Variants in CADM2 observed in about 807,000 individuals in gnomAD.
CADM2 encodes the protein cell adhesion molecule 2.
A neutral mutation model predicts 49.8 loss-of-function variants in CADM2; 12 were observed. That is an observed-to-expected ratio of 0.24 (90% confidence interval 0.15 to 0.39). CADM2 has a LOEUF of 0.39. Among genes scored for constraint, CADM2 ranks in the 10% least tolerant of loss-of-function variants. The pLI is 1.00. For missense variants in CADM2, 378 were observed against 492.3 expected (o/e 0.77, Z 2.20); for synonymous variants, 214 against 175.4 (o/e 1.22, Z -1.74).
intron 1 of CADM2, among the ~76,000 whole-genome samples, chr3:85,066,541 G>GCACA (rs763736000): frequency 6.6e-6 from 1 of 150,978 alleles, no homozygotes; most frequent in South Asian, 2.1e-4. Context: ...GCACCTGCAC[G>GCACA]CACACACACA....
chr3:85,539,591 C>A (rs1289298211), intron 1 of CADM2, among the ~76,000 whole-genome samples: 2 of 152,060 alleles, frequency 1.3e-5, no homozygotes, highest in Admixed American at 6.6e-5. Context: ...TCTGTTGGAA[C>A]AACACCAGGT....
intron 8 of CADM2, chr3:86,014,549 G>A (rs981629429): frequency 2.5e-6 from 4 of 1,588,218 alleles, no homozygotes; most frequent in Non-Finnish European, 3.4e-6. Context: ...TAGCCTCTGA[G>A]AGTTACTATA....
At chr3:86,066,609 G>A in intron 9 of CADM2, 56 bp from the exon 10 acceptor site, 1 of 1,280,308 alleles carries the variant, frequency 7.8e-7, no homozygotes, top group Non-Finnish European at 1.1e-6. Context: ...TAGCTTTAAT[G>A]CTGGGTATTT....
chr3:85,158,925 A>T (rs769760016), intron 1 of CADM2, among the ~76,000 whole-genome samples: 18 of 152,100 alleles, frequency 1.2e-4, no homozygotes, highest in African/African-American at 3.4e-4. Flanking sequence ...TGTGTGTGTG[A>T]GAGAGAAAGA....
chr3:85,124,913 A>G (rs908965726), intron 1 of CADM2, among the ~76,000 whole-genome samples: 2 of 152,216 alleles, frequency 1.3e-5, no homozygotes, highest in Non-Finnish European at 2.9e-5. Flanking sequence ...ATACAATAAT[A>G]AAATTGAAAA....
rs565065700 is a variant in CADM2 at position 85,881,334 on chromosome 3, G to T, written c.239-1957G>T. ...TTGCTTATTAAAGTATTTTTATAAT[G>T]GTTGCTTAAAAATTTTTGTCAAAAA... On this transcript the variant is annotated intron_variant, in intron 3 of 9. Transcript: ENST00000383699. 4.0e-5 allele frequency among the ~76,000 whole-genome samples: 6 copies of T among 151,788 alleles called. No homozygotes were observed. In the South Asian group the frequency reaches 1.2e-3, roughly 32 times the overall value.
chr3:85,724,090 T>A (rs2067602074), intron 1 of CADM2, among the ~76,000 whole-genome samples: 1 of 151,904 alleles, frequency 6.6e-6, no homozygotes, highest in Admixed American at 6.6e-5. Flanking sequence ...TCACTTAAAA[T>A]CCACTAACAT....
At chr3:85,024,501 A>G (rs1411888808) in intron 1 of CADM2, among the ~76,000 whole-genome samples, 1 of 152,108 alleles carries the variant, frequency 6.6e-6, no homozygotes, top group Non-Finnish European at 1.5e-5. Flanking sequence ...AAATATGGTT[A>G]CAGCATATAT....
chr3:85,848,725 C>T (rs1190018207), intron 3 of CADM2, among the ~76,000 whole-genome samples: 1 of 152,014 alleles, frequency 6.6e-6, no homozygotes, highest in South Asian at 2.1e-4. Flanking sequence ...TTTCCCTGAA[C>T]CCGAATTTAA....
At chr3:85,630,520 T>TA (rs1163491333) in intron 1 of CADM2, among the ~76,000 whole-genome samples, 2 of 151,972 alleles carry the variant, frequency 1.3e-5, no homozygotes, top group Non-Finnish European at 2.9e-5. Context: ...AGTAGATCAT[T>TA]AAAAAAATGT....
intron 1 of CADM2, among the ~76,000 whole-genome samples, chr3:85,082,647 A>AATGAAT (rs1559651012): frequency 6.6e-6 from 1 of 152,148 alleles, no homozygotes; most frequent in Non-Finnish European, 1.5e-5. Flanking sequence ...TTGAATACAT[A>AATGAAT]ACAATGAAGG....
intron 1 of CADM2, among the ~76,000 whole-genome samples, chr3:85,124,391 G>A (rs2038960932): frequency 1.3e-5 from 2 of 152,080 alleles, no homozygotes; most frequent in African/African-American, 4.8e-5. Context: ...ATTGCTTGAG[G>A]ACAGAAGTTC....
intron 8 of CADM2, among the ~76,000 whole-genome samples, chr3:86,026,350 G>T (rs1196580948): frequency 5.3e-5 from 8 of 149,618 alleles, no homozygotes; most frequent in East Asian, 3.9e-4. Flanking sequence ...TTTTTTTTTT[G>T]GTTTTTTTTT....
At chr3:85,891,608 G>A (rs1714445691) in intron 5 of CADM2, among the ~76,000 whole-genome samples, 1 of 152,172 alleles carries the variant, frequency 6.6e-6, no homozygotes, top group African/African-American at 2.4e-5. Flanking sequence ...CTTTAAGAAG[G>A]GGTAGAGTCA....
chr3:85,087,558 A>G (rs951424353), intron 1 of CADM2, among the ~76,000 whole-genome samples: 2 of 152,198 alleles, frequency 1.3e-5, no homozygotes, highest in African/African-American at 4.8e-5. Flanking sequence ...AATTTTTACT[A>G]CAAAGAAGGC....
At chr3:86,020,881 A>G (rs984501984) in intron 8 of CADM2, among the ~76,000 whole-genome samples, 1 of 152,158 alleles carries the variant, frequency 6.6e-6, no homozygotes, top group Non-Finnish European at 1.5e-5. Context: ...AGCCAATATC[A>G]TACTGAATGG....
At chr3:85,953,318 C>T (rs1271222769) in intron 7 of CADM2, among the ~76,000 whole-genome samples, 1 of 150,832 alleles carries the variant, frequency 6.6e-6, no homozygotes, top group Non-Finnish European at 1.5e-5. Context: ...GTGCTTTTAA[C>T]CTTATCTTTT....
intron 2 of CADM2, among the ~76,000 whole-genome samples, chr3:85,759,151 C>G (rs2069255171): frequency 6.6e-6 from 1 of 151,868 alleles, no homozygotes. Flanking sequence ...GATTAATGCT[C>G]TCTCATCTTC....
At chr3:85,190,318 T>C (rs180975490) in intron 1 of CADM2, among the ~76,000 whole-genome samples, 12 of 152,258 alleles carry the variant, frequency 7.9e-5, no homozygotes, top group African/African-American at 2.9e-4. Flanking sequence ...TGTGGCTATG[T>C]CATTCCCCCC....
Sources: allele counts gnomAD v4.1 joint callset (sites outside exome capture counted in the v4.1 genomes callset), GRCh38; gene constraint gnomAD v4.1.1; transcripts MANE v1.5; gene names NCBI Gene and HGNC (gene_info 2026-07-23, HGNC 2026-07-21).